Variants in TRAP1 observed in about 807,000 individuals in gnomAD.
The protein encoded by TRAP1 is heat shock protein 75 kDa, mitochondrial.
In TRAP1, 102 loss-of-function variants were observed where a neutral mutation model predicts 89.1. The observed-to-expected ratio is 1.15, with a 90% CI of 0.98 to 1.35. The LOEUF is 1.35. Among genes scored for constraint, TRAP1 ranks in the 40% most tolerant of loss-of-function variants. TRAP1 has a pLI of 0.00. For missense variants in TRAP1, 1,256 were observed against 945.3 expected (o/e 1.33, Z -4.31); for synonymous variants, 508 against 388.0 (o/e 1.31, Z -3.64).
chr16:3,664,382 G>T lies in TRAP1; in HGVS notation c.1461C>A (p.Ala487=). The T allele has an allele frequency of 6.2e-7, 1 of 1,612,742 alleles. No individual in the cohort carries two copies. ...TGCGGGTGCCGGCCCGCATGCGGCTGGCGTATTCTGAGAGGCTGGTTAGCT... is the reference window on the plus strand; with the variant it reads ...TGCGGGTGCCGGCCCGCATGCGGCTTGCGTATTCTGAGAGGCTGGTTAGCT... ...SGQLTSLSEY[A]SRMRAGTRNI... The change falls in exon 13 of 18, where the codon GCC becomes GCA. Residue 487 remains alanine (A), a synonymous_variant. Coordinates refer to ENST00000246957, the MANE Select transcript of TRAP1 (RefSeq NM_016292.3).
intron 4 of TRAP1, among the ~76,000 whole-genome samples, chr16:3,680,798 G>A (rs1368205858): frequency 6.6e-6 from 1 of 152,188 alleles, no homozygotes; most frequent in Admixed American, 6.5e-5. Flanking sequence ...ACAGGCTTGA[G>A]GGAGCTTGCC....
chr16:3,691,833 A>G (rs1186586284), intron 1 of TRAP1, among the ~76,000 whole-genome samples: 1 of 152,186 alleles, frequency 6.6e-6, no homozygotes, highest in Non-Finnish European at 1.5e-5. Context: ...GATGGGTTCT[A>G]CCTTCTAACT....
intron 7 of TRAP1, among the ~76,000 whole-genome samples, chr16:3,675,626 G>A (rs527246134): frequency 6.6e-6 from 1 of 152,326 alleles, no homozygotes; most frequent in South Asian, 2.1e-4. Flanking sequence ...CCCGGCTGCT[G>A]CGAGACTGCA....
intron 1 of TRAP1, among the ~76,000 whole-genome samples, chr16:3,700,028 T>C (rs2051344319): frequency 6.6e-6 from 1 of 152,002 alleles, no homozygotes; most frequent in Admixed American, 6.6e-5. Context: ...CATTTCCCAC[T>C]GTTAATTTTT....
chr16:3,701,682 G>C (rs1211035511), intron 1 of TRAP1, among the ~76,000 whole-genome samples: 1 of 152,100 alleles, frequency 6.6e-6, no homozygotes, highest in Non-Finnish European at 1.5e-5. Flanking sequence ...AGCTCTCCAC[G>C]AGCTATGTAG....
chr16:3,704,604 G>C (rs553101591), intron 1 of TRAP1, among the ~76,000 whole-genome samples: 16 of 152,306 alleles, frequency 1.1e-4, no homozygotes, highest in African/African-American at 1.7e-4. Flanking sequence ...CCAGCACTTT[G>C]GGAGGGAGAT....
chr16:3,714,507 A>G (rs761319185), intron 1 of TRAP1, among the ~76,000 whole-genome samples: 21 of 152,020 alleles, frequency 1.4e-4, no homozygotes, highest in Non-Finnish European at 2.5e-4. Context: ...AAAAATACAA[A>G]ACCTAGCTGG....
At chr16:3,691,958 C>T (rs1012240917) in intron 1 of TRAP1, among the ~76,000 whole-genome samples, 1 of 152,148 alleles carries the variant, frequency 6.6e-6, no homozygotes, top group Non-Finnish European at 1.5e-5. Flanking sequence ...GCACGCAGTT[C>T]ACCGACGCAG....
intron 1 of TRAP1, among the ~76,000 whole-genome samples, chr16:3,701,809 G>T (rs945220938): frequency 6.6e-6 from 1 of 152,200 alleles, no homozygotes; most frequent in Non-Finnish European, 1.5e-5. Context: ...TGGTTATGAA[G>T]ACAGCAGGTG....
At chr16:3,665,944 A>C in intron 12 of TRAP1, 27 bp downstream of exon 12, 2 of 1,598,204 alleles carry the variant, frequency 1.3e-6, no homozygotes, top group Non-Finnish European at 1.7e-6. Context: ...GTGGCCCAGA[A>C]AAAGGCCTGG....
chr16:3,683,691 G>C (rs1007064813), intron 4 of TRAP1, among the ~76,000 whole-genome samples: 4 of 151,202 alleles, frequency 2.6e-5, no homozygotes, highest in African/African-American at 9.7e-5. Context: ...CGGCCATAAG[G>C]TTTCAATCAT....
intron 10 of TRAP1, among the ~76,000 whole-genome samples, chr16:3,672,406 T>G (rs897204215): frequency 2.6e-5 from 4 of 152,156 alleles, no homozygotes; most frequent in African/African-American, 9.7e-5. Context: ...TTTCTTAAAC[T>G]ATAATCTCAC....
intron 4 of TRAP1, among the ~76,000 whole-genome samples, chr16:3,685,445 C>T (rs2051126259): frequency 6.6e-6 from 1 of 152,132 alleles, no homozygotes; most frequent in East Asian, 1.9e-4. Context: ...CAGATCCCAC[C>T]GAGGCCAGTC....
chr16:3,706,763 G>C (rs937024009), intron 1 of TRAP1, among the ~76,000 whole-genome samples: 1 of 151,966 alleles, frequency 6.6e-6, no homozygotes, highest in Admixed American at 6.6e-5. Flanking sequence ...ACCCAGCCTC[G>C]TTTCCACCTT....
chr16:3,665,883 G>A (rs1163785682), intron 12 of TRAP1, 88 bp downstream of exon 12: 16 of 1,501,182 alleles, frequency 1.1e-5, no homozygotes, highest in African/African-American at 1.4e-5. Context: ...CTGCACCGTC[G>A]CCACATCAGG....
intron 1 of TRAP1, among the ~76,000 whole-genome samples, chr16:3,711,068 G>T (rs888694651): frequency 2.0e-5 from 3 of 151,068 alleles, no homozygotes; most frequent in Non-Finnish European, 4.4e-5. Flanking sequence ...TAGAGATGGG[G>T]GTCTCTCTAG....
At chr16:3,705,849 TTA>T (rs1326763222) in intron 1 of TRAP1, among the ~76,000 whole-genome samples, 2 of 150,784 alleles carry the variant, frequency 1.3e-5, no homozygotes, top group African/African-American at 4.9e-5. Flanking sequence ...CCGGCTAATT[TTA>T]TATATATATA....
chr16:3,662,567 GCTGGGGTAGCATGTCC>G (rs2043146001), intron 15 of TRAP1: 2 of 587,138 alleles, frequency 3.4e-6, no homozygotes, highest in South Asian at 3.3e-5. Flanking sequence ...GCTCCTGAGG[GCTGGGGTAGCATGTCC>G]CTTGTTTGGA....
At chr16:3,686,619 T>A (rs2051142084) in intron 3 of TRAP1, among the ~76,000 whole-genome samples, 1 of 152,120 alleles carries the variant, frequency 6.6e-6, no homozygotes, top group African/African-American at 2.4e-5. Flanking sequence ...GCCTGGCCCT[T>A]TTCAGGATTT....
Sources: gnomAD v4.1 joint callset for allele counts (sites outside exome capture counted in the v4.1 genomes callset) on GRCh38, gnomAD v4.1.1 for gene constraint, MANE v1.5 for transcripts, NCBI Gene and HGNC (gene_info 2026-07-23, HGNC 2026-07-21) for gene names.